ADGRD1: variants seen among roughly 807,000 people sequenced by gnomAD.
ADGRD1 encodes adhesion G protein-coupled receptor D1.
Under a neutral mutation model 113.4 loss-of-function variants are expected in ADGRD1, and 77 were observed. That is an observed-to-expected ratio of 0.68 (90% CI 0.57 to 0.82). The LOEUF is 0.82. Among genes scored for constraint, ADGRD1 ranks in the 40% least tolerant of loss-of-function variants. The pLI is 0.00. For missense variants in ADGRD1, 1,036 were observed against 1,139.1 expected (o/e 0.91, Z 1.30); for synonymous variants, 474 against 475.0 (o/e 1.00, Z 0.03).
In ADGRD1 at chr12:131,096,998, C is replaced by G. The variant is rs1237033514; in HGVS notation, c.1672-7833C>G. On this transcript the variant is annotated intron_variant, in intron 15 of 24. Transcript: ENST00000261654. This position sits in a 1 kb window ranked among gnomAD's most constrained non-coding sequence, Gnocchi z 5.2. ...GGCTTTTTGGGCAGTGGCCACGCCTCTGCTGTGGCTGCAGCCCTGCTGGAC... is the reference window on the plus strand; with the variant it reads ...GGCTTTTTGGGCAGTGGCCACGCCTGTGCTGTGGCTGCAGCCCTGCTGGAC... 6.6e-6 allele frequency among the ~76,000 whole-genome samples: 1 copy of G among 152,224 alleles called. No homozygotes were observed. The highest frequency in any genetic ancestry group is 1.5e-5 in the Non-Finnish European group (1 of 68,044).
At chr12:130,969,899 C>T (rs1473564094) in intron 3 of ADGRD1, 1 of 152,148 alleles carries the variant, frequency 6.6e-6, no homozygotes, top group East Asian at 1.9e-4. Context: ...CTTTTCTAGA[C>T]ATAGAGATTG....
At chr12:131,098,263 C>T (rs924471595) in intron 15 of ADGRD1, among the ~76,000 whole-genome samples, 1 of 124,710 alleles carries the variant, frequency 8.0e-6, no homozygotes, top group Non-Finnish European at 1.8e-5. Flanking sequence ...CAATCCCGAG[C>T]GGGGAGGGTC....
At chr12:131,000,690 G>A (rs898727562) in intron 9 of ADGRD1, among the ~76,000 whole-genome samples, 2 of 148,236 alleles carry the variant, frequency 1.3e-5, no homozygotes, top group African/African-American at 2.5e-5. Context: ...GCAGTGAGCC[G>A]AGGTTGTGCC....
chr12:131,139,339 C>A lies in ADGRD1; in HGVS notation c.*76C>A. 1.0e-6 allele frequency: 1 copy of A among 982,464 alleles called. No individual in the cohort carries two copies. Among genetic ancestry groups the A allele is most frequent in the Admixed American group, 2.0e-5 (1 of 50,012 alleles). The allele number at this position is 982,464 out of a possible 1,614,324, so 60.9% of individuals were successfully genotyped here. ...AACAGAATGAAATGCCCCACCTTTGCCCATGGACCCTCTCCTTGCTGCTGT... is the reference window on the plus strand; with the variant it reads ...AACAGAATGAAATGCCCCACCTTTGACCATGGACCCTCTCCTTGCTGCTGT... On this transcript the variant is annotated 3_prime_UTR_variant, in exon 25 of 25. Transcript: ENST00000261654.
chr12:131,140,915 C>G lies in ADGRD1; in HGVS notation c.*1652C>G, dbSNP rs1175793857. ...CCCTGCAACCGTGCTCTGGCGGGCA[C>G]ACCTGGCTGCTGCAGGCCAAGGCCG... is the stretch of plus-strand genomic sequence containing the variant. On this transcript the variant is annotated 3_prime_UTR_variant, in exon 25 of 25. Coordinates refer to ENST00000261654, the MANE Select transcript of ADGRD1 (RefSeq NM_198827.5). 1 of 152,322 alleles carries G rather than the reference C, an allele frequency of 6.6e-6. No individual in the cohort carries two copies. The highest frequency in any genetic ancestry group is 2.4e-5 in the African/African-American group (1 of 41,472). The allele number at this position is 152,322 out of a possible 1,614,324, so 9.4% of individuals were successfully genotyped here.
chr12:131,016,699 C>T (rs757764336), intron 13 of ADGRD1, among the ~76,000 whole-genome samples: 26 of 152,166 alleles, frequency 1.7e-4, no homozygotes, highest in Non-Finnish European at 3.2e-4. Context: ...TTGAGACCAG[C>T]GTGACCAACA....
At chr12:130,972,334 G>GCAGT in intron 4 of ADGRD1, among the ~76,000 whole-genome samples, 1 of 152,290 alleles carries the variant, frequency 6.6e-6, no homozygotes. Flanking sequence ...AAAGCTTAAT[G>GCAGT]CAGTCCTCGT....
chr12:130,998,134 G>C (rs1338022542), intron 8 of ADGRD1, among the ~76,000 whole-genome samples: 2 of 152,012 alleles, frequency 1.3e-5, no homozygotes, highest in African/African-American at 4.8e-5. Flanking sequence ...GTACAGTCCA[G>C]CTTCGGCTCG....
chr12:131,036,296 GC>G (rs1881374015), intron 13 of ADGRD1, among the ~76,000 whole-genome samples: 1 of 149,460 alleles, frequency 6.7e-6, no homozygotes, highest in African/African-American at 2.5e-5. Flanking sequence ...ACTGCACTGG[GC>G]CTCACTCACT....
chr12:131,003,148 T>A lies in ADGRD1; in HGVS notation c.1027-37T>A. The stretch of plus-strand genomic sequence containing the variant: ...TGCCTGGTGCCCTGGCTGAGTGGGG[T>A]GGATTTTCATGGCTCCTGGTGCTTG... On this transcript the variant is annotated intron_variant, in intron 9 of 24. Coordinates refer to ENST00000261654, the MANE Select transcript of ADGRD1 (RefSeq NM_198827.5). The surrounding 1 kb of genome is among the most constrained non-coding windows in gnomAD (Gnocchi z 4.8). 1 of 1,517,058 alleles carries A rather than the reference T, an allele frequency of 6.6e-7. No homozygotes were observed. The highest frequency in any genetic ancestry group is 9.2e-7 in the Non-Finnish European group (1 of 1,091,932). 94.0% of individuals were successfully genotyped at this position (1,517,058 alleles called of 1,614,324 possible).
chr12:130,961,861 A>G, intron 2 of ADGRD1, among the ~76,000 whole-genome samples: 1 of 152,242 alleles, frequency 6.6e-6, no homozygotes, highest in East Asian at 1.9e-4. Flanking sequence ...CTCTGCTTTA[A>G]AAAATGAAGA....
In ADGRD1 at chr12:130,982,024, G is replaced by A; in HGVS notation, c.451G>A (p.Asp151Asn). 6.2e-7 allele frequency: 1 copy of A among 1,614,038 alleles called. No individual in the cohort carries two copies. Among genetic ancestry groups the A allele is most frequent in the Non-Finnish European group, 8.5e-7 (1 of 1,179,944 alleles). Residue 151 changes from aspartate (D) to asparagine (N), a missense_variant, in exon 5 of 25, where the codon GAC (aspartate) becomes AAC (asparagine). Transcript: ENST00000261654. ...GRGSVELYTR[D>N]NSMTWEASFS... ...AGGCTCTGTGGAGCTGTATACGCGG[G>A]ACAATTCCATGACATGGGAGGCCTC... is the stretch of plus-strand genomic sequence containing the variant.
Position 130,971,947 on chromosome 12 carries a change from T to A in ADGRD1, c.310+367T>A, listed in dbSNP as rs1208409764. ...GATGGCATGGCACCTGCAGTGTGAT[T>A]TCTGGCTCTGGGATGTTGACGGTGA... On this transcript the variant is annotated intron_variant, in intron 4 of 24. Transcript: ENST00000261654. The surrounding 1 kb of genome is among the most constrained non-coding windows in gnomAD (Gnocchi z 4.2). Among the ~76,000 whole-genome samples, 2 of 152,126 alleles carry A rather than the reference T, an allele frequency of 1.3e-5. No homozygotes were observed. The highest frequency in any genetic ancestry group is 2.9e-5 in the Non-Finnish European group (2 of 68,024).
intron 21 of ADGRD1, among the ~76,000 whole-genome samples, chr12:131,134,963 G>A (rs1566142781): frequency 6.6e-6 from 1 of 152,244 alleles, no homozygotes; most frequent in Non-Finnish European, 1.5e-5. Context: ...GTGATGAGGG[G>A]TAAACCGAGG....
chr12:131,019,406 G>A (rs1268381614), intron 13 of ADGRD1, among the ~76,000 whole-genome samples: 2 of 152,224 alleles, frequency 1.3e-5, no homozygotes, highest in African/African-American at 2.4e-5. Context: ...TTTTCGACAC[G>A]ACGATCGGTC....
At chr12:131,122,474 G>A (rs1287135104) in intron 20 of ADGRD1, among the ~76,000 whole-genome samples, 1 of 152,190 alleles carries the variant, frequency 6.6e-6, no homozygotes, top group Non-Finnish European at 1.5e-5. Flanking sequence ...TTTAAAGAGT[G>A]TCAGAGGCTT....
At chr12:130,964,050 C>T (rs556074792) in intron 2 of ADGRD1, among the ~76,000 whole-genome samples, 11 of 152,194 alleles carry the variant, frequency 7.2e-5, no homozygotes, top group East Asian at 3.9e-4. Flanking sequence ...TATATTTATA[C>T]GTAATTTTTA....
chr12:131,032,756 G>GACCACTTCATTT (rs1566048132), intron 13 of ADGRD1, among the ~76,000 whole-genome samples: 60 of 120,744 alleles, frequency 5.0e-4, no homozygotes, highest in Non-Finnish European at 6.9e-4. Flanking sequence ...CCGTCACAGA[G>GACCACTTCATTT]GTGACGCTTA....
In ADGRD1 at chr12:130,991,860, C is replaced by T. The variant is rs777759823; in HGVS notation, c.811-377C>T. ...GAGCAGCCAGGCACAGTTGCTCATG[C>T]CTGTAATCCCAGCAATTTGGGAGGT... On this transcript the variant is annotated intron_variant, in intron 7 of 24. Transcript: ENST00000261654. 1.4e-4 allele frequency among the ~76,000 whole-genome samples: 21 copies of T among 152,242 alleles called. No homozygotes were observed. The South Asian group carries it at 3.7e-3, about 27-fold the overall frequency.
Sources: gnomAD v4.1 joint callset for allele counts (sites outside exome capture counted in the v4.1 genomes callset) on GRCh38, gnomAD v4.1.1 for gene constraint, Gnocchi (gnomAD v3.1) non-coding constraint, MANE v1.5 for transcripts, NCBI Gene and HGNC (gene_info 2026-07-23, HGNC 2026-07-21) for gene names.